The following LRRTM4 variants were observed in gnomAD, a reference collection of about 807,000 sequenced individuals.
The protein encoded by LRRTM4 is leucine-rich repeat transmembrane neuronal protein 4.
Under a neutral mutation model 47.6 loss-of-function variants are expected in LRRTM4, and 25 were observed. That is an observed-to-expected ratio of 0.53 (90% CI 0.38 to 0.73). LRRTM4 has a LOEUF of 0.73. Among genes scored for constraint, LRRTM4 ranks in the 30% least tolerant of loss-of-function variants. The pLI, the probability that LRRTM4 is intolerant of heterozygous loss-of-function variation, is 0.00. For missense variants in LRRTM4, 638 were observed against 713.4 expected, an observed-to-expected ratio of 0.89 and a Z score of 1.20; for synonymous variants, 311 against 269.5, an observed-to-expected ratio of 1.15 and a Z score of -1.51.
At position 76,952,431 on chromosome 2, in the gene LRRTM4, T is replaced by C. The variant is rs1378552724; in HGVS notation, c.1552-203515A>G. Among the ~76,000 whole-genome samples the C allele has an allele frequency of 3.3e-5, 5 of 151,918 alleles. No homozygotes were observed. In the East Asian group the frequency reaches 5.9e-4, roughly 18 times the overall value. On this transcript the variant is annotated intron_variant, in intron 3 of 3. Coordinates refer to ENST00000409884, the MANE Select transcript of LRRTM4 (RefSeq NM_001134745.3). The stretch of plus-strand genomic sequence containing the variant: ...AAGGCATACGTGTAGCCAACAAATA[T>C]GAAAAAATGCTCACTGTCTCTAATC...
intron 3 of LRRTM4, among the ~76,000 whole-genome samples, chr2:77,254,532 T>C (rs528189795): frequency 1.3e-5 from 2 of 151,902 alleles, no homozygotes; most frequent in African/African-American, 4.8e-5. Flanking sequence ...GTAGATAAAA[T>C]GGATCTTTCA....
chr2:77,021,102 C>G (rs200596251), intron 3 of LRRTM4, among the ~76,000 whole-genome samples: 2 of 130,524 alleles, frequency 1.5e-5, no homozygotes, highest in East Asian at 2.8e-4. Flanking sequence ...CTGTATCTAT[C>G]TATCTATGTA....
At chr2:76,795,961 C>T (rs1371279972) in intron 3 of LRRTM4, among the ~76,000 whole-genome samples, 6 of 150,294 alleles carry the variant, frequency 4.0e-5, no homozygotes, top group African/African-American at 1.2e-4. Flanking sequence ...GGTGCGCGCA[C>T]CATGTGCGAG....
At chr2:77,210,037 A>G (rs1157752024) in intron 3 of LRRTM4, among the ~76,000 whole-genome samples, 1 of 152,218 alleles carries the variant, frequency 6.6e-6, no homozygotes, top group Non-Finnish European at 1.5e-5. Flanking sequence ...CTAGGATGTC[A>G]GACACTACAT....
intron 3 of LRRTM4, among the ~76,000 whole-genome samples, chr2:76,775,839 G>A (rs900019549): frequency 1.5e-4 from 23 of 151,934 alleles, no homozygotes; most frequent in Non-Finnish European, 3.2e-4. Flanking sequence ...CATGTGCCAT[G>A]CTGGTGCGCT....
At chr2:76,803,807 G>T (rs1675825061) in intron 3 of LRRTM4, among the ~76,000 whole-genome samples, 1 of 152,112 alleles carries the variant, frequency 6.6e-6, no homozygotes, top group Admixed American at 6.6e-5. Context: ...GTGGTTCACG[G>T]TCCCTGAAAC....
At chr2:77,258,643 G>T (rs1244108786) in intron 3 of LRRTM4, among the ~76,000 whole-genome samples, 1 of 151,728 alleles carries the variant, frequency 6.6e-6, no homozygotes, top group African/African-American at 2.4e-5. Flanking sequence ...CACTGAGATA[G>T]TAAACTCGTA....
chr2:77,114,752 G>C (rs768312048), intron 3 of LRRTM4, among the ~76,000 whole-genome samples: 2 of 152,126 alleles, frequency 1.3e-5, no homozygotes, highest in Admixed American at 6.5e-5. Context: ...TGGTGACCCC[G>C]AGCTGCAAAA....
chr2:77,340,957 G>A (rs993214868), intron 3 of LRRTM4, among the ~76,000 whole-genome samples: 2 of 151,930 alleles, frequency 1.3e-5, no homozygotes, highest in African/African-American at 2.4e-5. Context: ...TCAAGCAGGT[G>A]TGAAACCCTG....
intron 3 of LRRTM4, among the ~76,000 whole-genome samples, chr2:77,088,397 T>A (rs1417636405): frequency 2.0e-5 from 3 of 152,138 alleles, no homozygotes; most frequent in South Asian, 4.1e-4. Flanking sequence ...TTGCCTTAAG[T>A]GATGACATTA....
intron 3 of LRRTM4, among the ~76,000 whole-genome samples, chr2:76,915,967 G>C (rs1308366791): frequency 6.6e-6 from 1 of 152,058 alleles, no homozygotes; most frequent in Non-Finnish European, 1.5e-5. Flanking sequence ...TTGTTAGTGA[G>C]CCATAGATTA....
chr2:77,478,988 G>C (rs762740611), intron 3 of LRRTM4, among the ~76,000 whole-genome samples: 1 of 151,896 alleles, frequency 6.6e-6, no homozygotes, highest in Non-Finnish European at 1.5e-5. Flanking sequence ...TCCGCCTCCC[G>C]GGTTCAAGCA....
intron 3 of LRRTM4, among the ~76,000 whole-genome samples, chr2:76,969,375 G>C (rs1204366210): frequency 6.6e-6 from 1 of 151,832 alleles, no homozygotes; most frequent in Non-Finnish European, 1.5e-5. Flanking sequence ...AATTCAAGAA[G>C]TATGAACGGT....
At chr2:77,057,909 A>G (rs890281058) in intron 3 of LRRTM4, among the ~76,000 whole-genome samples, 1 of 152,168 alleles carries the variant, frequency 6.6e-6, no homozygotes, top group Non-Finnish European at 1.5e-5. Flanking sequence ...AACTTATCCT[A>G]AGAGTTTGGA....
intron 3 of LRRTM4, among the ~76,000 whole-genome samples, chr2:76,946,464 C>G (rs1675326793): frequency 6.6e-6 from 1 of 151,732 alleles, no homozygotes; most frequent in African/African-American, 2.4e-5. Flanking sequence ...GTGTCCAGTA[C>G]TCCGACTTGT....
At chr2:77,458,831 G>A (rs1310037702) in intron 3 of LRRTM4, among the ~76,000 whole-genome samples, 7 of 150,778 alleles carry the variant, frequency 4.6e-5, no homozygotes, top group Non-Finnish European at 1.0e-4. Flanking sequence ...TGTCATTTCA[G>A]TGGAAATTCA....
At chr2:77,321,554 G>T (rs1024273475) in intron 3 of LRRTM4, among the ~76,000 whole-genome samples, 9 of 94,062 alleles carry the variant, frequency 9.6e-5, no homozygotes, top group Non-Finnish European at 1.8e-4. Flanking sequence ...AATCGGGGAG[G>T]GGGGGGGGTG....
chr2:76,831,271 T>A lies in LRRTM4; in HGVS notation c.1552-82355A>T, dbSNP rs147631745. Among the ~76,000 whole-genome samples, 367 of 152,262 alleles carry A rather than the reference T, an allele frequency of 2.4e-3. 6 individuals are homozygous for A. Among genetic ancestry groups the A allele is most frequent in the African/African-American group, 8.5e-3 (354 of 41,570 alleles). On this transcript the variant is annotated intron_variant, in intron 3 of 3. Transcript: ENST00000409884. ...TGAATATAATAAATACATATAGACT[T>A]TGCAACTACAGGATACTATTTGTAA... is the stretch of plus-strand genomic sequence containing the variant.
Position 77,340,579 on chromosome 2 carries a change from G to T in LRRTM4, c.1551+177739C>A, listed in dbSNP as rs369419640. Among the ~76,000 whole-genome samples, 76 of 151,992 alleles carry T rather than the reference G, an allele frequency of 5.0e-4. 1 individual carries two copies. In the South Asian group the frequency reaches 0.016, roughly 31 times the overall value. On this transcript the variant is annotated intron_variant, in intron 3 of 3. Coordinates refer to ENST00000409884, the MANE Select transcript of LRRTM4 (RefSeq NM_001134745.3). ...TGTTGACCTTTAAAACACTTTTATT[G>T]TCACATGCAGAGAACAAGGAGTAAA...
Sources: gnomAD v4.1 joint callset for allele counts (sites outside exome capture counted in the v4.1 genomes callset) on GRCh38, gnomAD v4.1.1 for gene constraint, MANE v1.5 for transcripts, NCBI Gene and HGNC (gene_info 2026-07-23, HGNC 2026-07-21) for gene names.